Variants in KCNH1 observed in about 807,000 individuals in gnomAD.
KCNH1 encodes potassium voltage-gated channel subfamily H member 1, also known as voltage-gated delayed rectifier potassium channel KCNH1.
Under a neutral mutation model 69.2 loss-of-function variants are expected in KCNH1, and 27 were observed. That is an observed-to-expected ratio of 0.39 (90% CI 0.29 to 0.54). The LOEUF is 0.54. Among genes scored for constraint, KCNH1 ranks in the 20% least tolerant of loss-of-function variants. The pLI, the probability that KCNH1 is intolerant of heterozygous loss-of-function variation, is 0.68. For missense variants in KCNH1, 798 were observed against 1,261.6 expected, an observed-to-expected ratio of 0.63 and a Z score of 5.57; for synonymous variants, 456 against 487.7, an observed-to-expected ratio of 0.93 and a Z score of 0.86.
chr1:211,104,225 T>C (rs1691314318), intron 2 of KCNH1, among the ~76,000 whole-genome samples: 1 of 152,156 alleles, frequency 6.6e-6, no homozygotes, highest in South Asian at 2.1e-4. Flanking sequence ...TAATTTAATC[T>C]TCATCTTGAA....
Position 210,734,604 on chromosome 1 carries a change from G to A in KCNH1, c.2112+40744C>T, listed in dbSNP as rs573370987. ...GGGAAAACAGATGCTCCAGGAAGCA[G>A]CATTTGGAAACCAGAGGCACGGCCT... On this transcript the variant is annotated intron_variant, in intron 10 of 10. Coordinates refer to ENST00000271751, the MANE Select transcript of KCNH1 (RefSeq NM_172362.3). Among the ~76,000 whole-genome samples the A allele has an allele frequency of 6.6e-5, 10 of 152,152 alleles. No individual in the cohort carries two copies. In the South Asian group the frequency reaches 1.9e-3, roughly 28 times the overall value.
chr1:210,853,100 G>A (rs966418444), intron 7 of KCNH1, among the ~76,000 whole-genome samples: 3 of 152,116 alleles, frequency 2.0e-5, no homozygotes, highest in Non-Finnish European at 4.4e-5. Context: ...AATGTTTGGC[G>A]GCTATGGTAA....
intron 7 of KCNH1, among the ~76,000 whole-genome samples, chr1:210,811,181 T>C (rs1684694027): frequency 6.6e-6 from 1 of 152,216 alleles, no homozygotes; most frequent in Non-Finnish European, 1.5e-5. Context: ...GTCCAGAGAC[T>C]ACCTCTAAAG....
intron 6 of KCNH1, among the ~76,000 whole-genome samples, chr1:210,971,141 C>T (rs540280688): frequency 1.3e-5 from 2 of 151,966 alleles, no homozygotes; most frequent in South Asian, 4.2e-4. Flanking sequence ...TTAGCAGAGA[C>T]GAGGTCTCAT....
rs201109318 is a variant in KCNH1, at chr1:211,034,309, G to GA, written c.559-15054dup. Among the ~76,000 whole-genome samples the GA allele has an allele frequency of 1.8e-3, 268 of 148,784 alleles. 7 individuals carry two copies. Among genetic ancestry groups the GA allele is most frequent in the Admixed American group, 0.014 (212 of 14,894 alleles). On this transcript the variant is annotated intron_variant, in intron 5 of 10. Transcript: ENST00000271751. ...CAATCTGGATGAATCTCCAGAGACTGAAAAAAAAACCTCAAAGATTACATA... is the reference window on the plus strand; with the variant it reads ...CAATCTGGATGAATCTCCAGAGACTGAAAAAAAAAACCTCAAAGATTACATA...
At chr1:210,827,674 C>A (rs930003284) in intron 7 of KCNH1, among the ~76,000 whole-genome samples, 1 of 152,196 alleles carries the variant, frequency 6.6e-6, no homozygotes, top group African/African-American at 2.4e-5. Flanking sequence ...ATTACATCAT[C>A]TCCTTATGTT....
At chr1:210,979,619 A>C (rs1034101513) in intron 6 of KCNH1, among the ~76,000 whole-genome samples, 1 of 152,116 alleles carries the variant, frequency 6.6e-6, no homozygotes, top group African/African-American at 2.4e-5. Context: ...TGATATAATA[A>C]ACTCAATTAT....
chr1:211,035,526 G>A (rs1689882059), intron 5 of KCNH1, among the ~76,000 whole-genome samples: 1 of 152,040 alleles, frequency 6.6e-6, no homozygotes, highest in Admixed American at 6.6e-5. Context: ...GGGATTACGG[G>A]TACTGGCATT....
chr1:211,002,577 T>C lies in KCNH1; in HGVS notation c.1032+16206A>G, dbSNP rs1689209127. Among the ~76,000 whole-genome samples, 3 of 152,068 alleles carry C rather than the reference T, an allele frequency of 2.0e-5. No homozygotes were observed. In the South Asian group the frequency reaches 6.2e-4, roughly 32 times the overall value. On this transcript the variant is annotated intron_variant, in intron 6 of 10. Transcript: ENST00000271751. ...CATTAAATAATTATCCTTAACATAC[T>C]TTATGAGATAAAAGGAAAAATCAAG...
chr1:210,699,507 G>A (rs1370704044), intron 10 of KCNH1, among the ~76,000 whole-genome samples: 1 of 152,202 alleles, frequency 6.6e-6, no homozygotes, highest in African/African-American at 2.4e-5. Context: ...TCAGGCCTAG[G>A]TAGGTGGATC....
chr1:211,069,061 G>A (rs1044395156), intron 5 of KCNH1, among the ~76,000 whole-genome samples: 1 of 152,154 alleles, frequency 6.6e-6, no homozygotes, highest in Non-Finnish European at 1.5e-5. Flanking sequence ...ATACACCAGA[G>A]CATTCTGTTC....
intron 3 of KCNH1, among the ~76,000 whole-genome samples, chr1:211,094,531 C>G (rs1691111890): frequency 6.6e-6 from 1 of 152,186 alleles, no homozygotes; most frequent in African/African-American, 2.4e-5. Flanking sequence ...GATCATAATA[C>G]ACTCCAAGGG....
intron 7 of KCNH1, among the ~76,000 whole-genome samples, chr1:210,865,477 T>A (rs1466513324): frequency 6.6e-6 from 1 of 151,924 alleles, no homozygotes; most frequent in African/African-American, 2.4e-5. Context: ...TGGGTCAAAC[T>A]AAATGATCTT....
Position 210,802,922 on chromosome 1 carries a change from CA to C in KCNH1, c.1662+1044del, listed in dbSNP as rs895125648. On this transcript the variant is annotated intron_variant, in intron 8 of 10. Transcript: ENST00000271751. ...ATGTACCCCAGAACTTAAATTAAAA[CA>C]AAAAAAAAGAGTAACTCCTTAAAAA... Among the ~76,000 whole-genome samples the C allele has an allele frequency of 1.8e-3, 267 of 150,178 alleles. 2 individuals carry two copies. Among genetic ancestry groups the C allele is most frequent in the African/African-American group, 6.1e-3 (249 of 40,956 alleles).
rs936224812 is a variant in KCNH1 at position 211,018,778 on chromosome 1, T to G, written c.1032+5A>C. 3 of 1,587,222 alleles carry G rather than the reference T, an allele frequency of 1.9e-6. No homozygotes were observed. In the Admixed American group the frequency reaches 5.2e-5, roughly 28 times the overall value. Reference sequence around the variant, plus strand: ...ACAACAAGGTCTGAGATTTGAGGGATGTACCTGACTCTCTCTCCCCTCCAG... The same window carrying G: ...ACAACAAGGTCTGAGATTTGAGGGAGGTACCTGACTCTCTCTCCCCTCCAG... On this transcript the variant is annotated splice_donor_5th_base_variant and intron_variant, in intron 6 of 10. Coordinates refer to ENST00000271751, the MANE Select transcript of KCNH1 (RefSeq NM_172362.3).
intron 6 of KCNH1, among the ~76,000 whole-genome samples, chr1:210,952,341 A>G (rs2102347150): frequency 6.6e-6 from 1 of 152,274 alleles, no homozygotes; most frequent in South Asian, 2.1e-4. Context: ...CTCCTTGATG[A>G]TGTAACTTCC....
intron 10 of KCNH1, among the ~76,000 whole-genome samples, chr1:210,729,943 C>A (rs1326052774): frequency 6.6e-6 from 1 of 152,152 alleles, no homozygotes; most frequent in African/African-American, 2.4e-5. Context: ...CCAACCCACA[C>A]TCTTTCATGG....
At chr1:210,977,282 TG>T (rs1480761857) in intron 6 of KCNH1, among the ~76,000 whole-genome samples, 1 of 151,932 alleles carries the variant, frequency 6.6e-6, no homozygotes, top group Non-Finnish European at 1.5e-5. Context: ...CATCACACAC[TG>T]GGGCCTGTCG....
Position 210,680,414 on chromosome 1 carries a change from GT to G in KCNH1, c.*2866del, listed in dbSNP as rs962366469. The G allele has an allele frequency of 1.1e-4, 17 of 152,094 alleles. No individual in the cohort carries two copies. The highest frequency in any genetic ancestry group is 4.1e-4 in the African/African-American group (17 of 41,398). The allele number at this position is 152,094 out of a possible 1,614,324, so 9.4% of individuals were successfully genotyped here. On this transcript the variant is annotated 3_prime_UTR_variant, in exon 11 of 11. Transcript: ENST00000271751. ...AAAAACATACATCCTGGGCAAATCTGTTCTCTCTTGGCATACTTTTTCTGAA... is the reference window on the plus strand; with the variant it reads ...AAAAACATACATCCTGGGCAAATCTGTCTCTCTTGGCATACTTTTTCTGAA...
Sources: allele counts gnomAD v4.1 joint callset (sites outside exome capture counted in the v4.1 genomes callset), GRCh38; gene constraint gnomAD v4.1.1; transcripts MANE v1.5; gene names NCBI Gene and HGNC (gene_info 2026-07-23, HGNC 2026-07-21).